OSGEPL1: variants seen among roughly 807,000 people sequenced by gnomAD.
The protein encoded by OSGEPL1 is O-sialoglycoprotein endopeptidase like 1, also known as tRNA N6-adenosine threonylcarbamoyltransferase, mitochondrial.
In OSGEPL1, 26 loss-of-function variants were observed where a neutral mutation model predicts 37.2. The ratio of observed to expected loss-of-function variants is 0.70; its 90% CI spans 0.51 to 0.97. The LOEUF (loss-of-function observed/expected upper bound fraction) is 0.97, where lower values mean the gene tolerates loss of function less well. Among genes scored for constraint, OSGEPL1 ranks in the 50% least tolerant of loss-of-function variants. The probability of loss-of-function intolerance (pLI) is 0.00; values close to 1 mark genes in which losing one functional copy is unlikely to be tolerated. For synonymous variants in OSGEPL1, 140 were observed against 159.9 expected, an observed-to-expected ratio of 0.88 and a Z score of 0.94; for missense variants, 404 against 487.0, an observed-to-expected ratio of 0.83 and a Z score of 1.60.
At chr2:189,750,430 G>A (rs769710566) in intron 8 of OSGEPL1, 120 bp downstream of exon 8, 14 of 509,000 alleles carry the variant, frequency 2.8e-5, no homozygotes, top group Non-Finnish European at 3.7e-5. Context: ...TATCTCAGAA[G>A]AGCAGGTAAA....
At chr2:189,760,910 C>G (rs58944965) in intron 2 of OSGEPL1, among the ~76,000 whole-genome samples, 1,634 of 152,306 alleles carry the variant, frequency 0.011, 31 homozygotes, top group African/African-American at 0.037. Flanking sequence ...GTGACCTCCT[C>G]CAGACATTTT....
At chr2:189,749,701 ATTT>A (rs145998600) in intron 8 of OSGEPL1, among the ~76,000 whole-genome samples, 11,923 of 152,230 alleles carry the variant, frequency 0.078, 647 homozygotes, top group Non-Finnish European at 0.12. Context: ...AATTATATAG[ATTT>A]TAAAAAATGC....
chr2:189,754,710 T>C (rs1211495679), intron 3 of OSGEPL1: 1 of 245,800 alleles, frequency 4.1e-6, no homozygotes, highest in African/African-American at 2.4e-5. Flanking sequence ...TTTGTTTGTT[T>C]TCCTATATAT....
Position 189,754,288 on chromosome 2 carries a change from TC to T in OSGEPL1, c.666del (p.Ala224ProfsTer2). 6.2e-7 allele frequency: 1 copy of T among 1,613,824 alleles called. No homozygotes were observed. Among genetic ancestry groups the T allele is most frequent in the Non-Finnish European group, 8.5e-7 (1 of 1,179,780 alleles). ...TGTTTGGCCAAATGTTCTATGGCTT[TC>T]CCACCACTCATGGTGGAGCACTCTG... ...KHPECSTMSG[G>X]KAIEHLAKQG... On this transcript the variant is annotated frameshift_variant, in exon 4 of 9. Coordinates refer to ENST00000264151, the MANE Select transcript of OSGEPL1 (RefSeq NM_022353.3). LOFTEE classifies it high-confidence loss of function.
chr2:189,752,768 G>C (rs754260672), intron 6 of OSGEPL1, 44 bp from the exon 7 acceptor site: 10 of 1,613,124 alleles, frequency 6.2e-6, no homozygotes, highest in Non-Finnish European at 7.6e-6. Context: ...TCCAAGATCT[G>C]AAGGAAGAAG....
At chr2:189,762,411 A>T in intron 1 of OSGEPL1, 1 of 197,412 alleles carries the variant, frequency 5.1e-6, no homozygotes, top group Non-Finnish European at 9.2e-6. Flanking sequence ...CCCAGGGATT[A>T]GAGATGAGCG....
Position 189,761,981 on chromosome 2 carries a change from A to G in OSGEPL1, c.-20-321T>C, listed in dbSNP as rs1032358186. 1.8e-4 allele frequency among the ~76,000 whole-genome samples: 28 copies of G among 152,340 alleles called. 1 individual carries two copies. The South Asian group carries it at 4.8e-3, about 26-fold the overall frequency. On this transcript the variant is annotated intron_variant, in intron 1 of 8. Transcript: ENST00000264151. ...TGAAAAGTGCTATTTATTTTTTGAC[A>G]GCTAAAATTAAGACAAAATGTGGAT...
chr2:189,754,470 CT>C, intron 3 of OSGEPL1, 125 bp from the exon 4 acceptor site: 1 of 905,728 alleles, frequency 1.1e-6, no homozygotes, highest in Non-Finnish European at 1.6e-6. Flanking sequence ...ACATGCTATA[CT>C]TTGGCAAATA....
intron 2 of OSGEPL1, among the ~76,000 whole-genome samples, chr2:189,760,013 G>A (rs1284702370): frequency 6.6e-6 from 1 of 152,080 alleles, no homozygotes; most frequent in African/African-American, 2.4e-5. Flanking sequence ...ATCTTGCACC[G>A]CCCTTAATCC....
intron 3 of OSGEPL1, chr2:189,754,614 A>C: frequency 2.4e-6 from 1 of 413,770 alleles, no homozygotes; most frequent in Non-Finnish European, 4.3e-6. Flanking sequence ...AGTTGACAAT[A>C]ACTGCTTAAT....
chr2:189,754,968 A>G (rs2045882821), intron 3 of OSGEPL1: 3 of 607,262 alleles, frequency 4.9e-6, no homozygotes, highest in Non-Finnish European at 8.2e-6. Context: ...ACAGATATGA[A>G]CCTCTTACCA....
At chr2:189,754,922 C>T (rs1188832894) in intron 3 of OSGEPL1, 7 of 463,410 alleles carry the variant, frequency 1.5e-5, no homozygotes, top group South Asian at 6.4e-5. Flanking sequence ...TGGCAAAATA[C>T]ATAACTGTAT....
Position 189,754,060 on chromosome 2 carries a change from A to G in OSGEPL1, c.819T>C (p.Ile273=), listed in dbSNP as rs1425790129. ...CTGAAGACAGGATTTGCCCCTTCTC[A>G]ATACCTGCAGAAATGAGCAGCTATT... is the stretch of plus-strand genomic sequence containing the variant. ...IIMKKEKEEG[I]EKGQILSSAA... is the part of the protein sequence containing the mutation. The change falls in exon 5 of 9, where the codon ATT becomes ATC. Residue 273 remains isoleucine (I), a synonymous_variant. Transcript: ENST00000264151. 1 of 1,613,058 alleles carries G rather than the reference A, an allele frequency of 6.2e-7. No individual in the cohort carries two copies. Among genetic ancestry groups the G allele is most frequent in the Non-Finnish European group, 8.5e-7 (1 of 1,179,576 alleles).
At chr2:189,758,339 C>T (rs566146836) in intron 2 of OSGEPL1, among the ~76,000 whole-genome samples, 29 of 152,092 alleles carry the variant, frequency 1.9e-4, no homozygotes, top group African/African-American at 6.8e-4. Flanking sequence ...CAAGATTGCA[C>T]CATTGCACTC....
At chr2:189,759,759 A>G (rs993904632) in intron 2 of OSGEPL1, among the ~76,000 whole-genome samples, 1 of 151,620 alleles carries the variant, frequency 6.6e-6, no homozygotes, top group Non-Finnish European at 1.5e-5. Context: ...TTATTTATTT[A>G]TTTATTTTTT....
intron 2 of OSGEPL1, among the ~76,000 whole-genome samples, chr2:189,759,695 G>A (rs1455225499): frequency 1.3e-5 from 2 of 152,142 alleles, no homozygotes; most frequent in African/African-American, 4.8e-5. Flanking sequence ...CTATTCAGAT[G>A]TTGTAAATTG....
intron 2 of OSGEPL1, among the ~76,000 whole-genome samples, chr2:189,756,777 C>T (rs2046152489): frequency 6.6e-6 from 1 of 152,182 alleles, no homozygotes; most frequent in Admixed American, 6.5e-5. Context: ...CAACAGTCTT[C>T]TAATTGTACT....
intron 7 of OSGEPL1, 108 bp from the exon 8 acceptor site, chr2:189,750,764 T>G (rs2045044264): frequency 6.6e-6 from 5 of 754,282 alleles, no homozygotes; most frequent in Non-Finnish European, 8.2e-6. Flanking sequence ...AAATATTTAA[T>G]TCATCATATG....
In OSGEPL1 at chr2:189,761,585, ACTTTC is replaced by A. The variant is rs1325760054; in HGVS notation, c.51_55del (p.Arg17SerfsTer3). ...ATTAAAACTTCTTAAAAATTCATAAACTTTCCTTTTTGATGGTTTAAAAAAAACTC... is the reference window on the plus strand; with the variant it reads ...ATTAAAACTTCTTAAAAATTCATAAACTTTTTGATGGTTTAAAAAAAACTC... On this transcript the variant is annotated frameshift_variant, in exon 2 of 9. Transcript: ENST00000264151. LOFTEE classifies it high-confidence loss of function. 7 of 1,610,164 alleles carry A rather than the reference ACTTTC, an allele frequency of 4.3e-6. No homozygotes were observed. In the Admixed American group the frequency reaches 5.0e-5, roughly 12 times the overall value.
Sources: allele counts gnomAD v4.1 joint callset (sites outside exome capture counted in the v4.1 genomes callset), GRCh38; gene constraint gnomAD v4.1.1; transcripts MANE v1.5; gene names NCBI Gene and HGNC (gene_info 2026-07-23, HGNC 2026-07-21).